GABRA3: variants seen among roughly 807,000 people sequenced by gnomAD.
GABRA3 encodes gamma-aminobutyric acid receptor subunit alpha-3.
GABRA3 carries 10 observed loss-of-function variants against 30.1 expected under a neutral mutation model. That is an observed-to-expected ratio of 0.33 (90% CI 0.20 to 0.56). The LOEUF is 0.56. Ranked by LOEUF, GABRA3 falls within the 20% of genes least tolerant of loss-of-function variation. The probability of loss-of-function intolerance (pLI) is 0.89; values close to 1 mark genes in which losing one functional copy is unlikely to be tolerated. For synonymous variants in GABRA3, 151 were observed against 146.8 expected (o/e 1.03, Z -0.21); for missense variants, 233 against 392.0 (o/e 0.59, Z 3.42).
intron 1 of GABRA3, among the ~76,000 whole-genome samples, chrX:152,432,571 A>T (rs1427661707): frequency 4.5e-5 from 5 of 111,526 alleles, no homozygotes; most frequent in Non-Finnish European, 9.4e-5. Flanking sequence ...AAACAAAACT[A>T]AATGGATTAG....
chrX:152,375,996 C>T (rs941938581), intron 1 of GABRA3, among the ~76,000 whole-genome samples: 2 of 111,899 alleles, frequency 1.8e-5, no homozygotes, highest in African/African-American at 6.5e-5. Flanking sequence ...TGAGCCTTCC[C>T]GCCCAAAAGG....
At chrX:152,345,492 A>T in intron 3 of GABRA3, 89 bp downstream of exon 3, 1 of 989,862 alleles carries the variant, frequency 1.0e-6, no homozygotes, top group Non-Finnish European at 1.4e-6. Context: ...TGGCCAATAG[A>T]CTACTGAAGG....
At chrX:152,231,230 TACACAC>T (rs1938067530) in intron 5 of GABRA3, among the ~76,000 whole-genome samples, 1 of 107,903 alleles carries the variant, frequency 9.3e-6, no homozygotes, top group Non-Finnish European at 1.9e-5. Flanking sequence ...CACGTATATA[TACACAC>T]ATATGTATAC....
At chrX:152,272,472 G>T (rs1938962533) in intron 4 of GABRA3, among the ~76,000 whole-genome samples, 1 of 112,636 alleles carries the variant, frequency 8.9e-6, no homozygotes. Flanking sequence ...TATCTAGAAA[G>T]TAACTAACTT....
chrX:152,275,034 A>G (rs76298115), intron 4 of GABRA3, among the ~76,000 whole-genome samples: 10,077 of 95,627 alleles, frequency 0.11, 458 homozygotes, highest in South Asian at 0.12. Context: ...TTACATATAT[A>G]TTTATTTATA....
In GABRA3 at chrX:152,204,879, T is replaced by C. The variant is rs188364407; in HGVS notation, c.778+3122A>G. On this transcript the variant is annotated intron_variant, in intron 7 of 9. Coordinates refer to ENST00000370314, the MANE Select transcript of GABRA3 (RefSeq NM_000808.4). Reference sequence around the variant, plus strand: ...AGAGCTACACTCCCTCTGAAAATTGTAGGGAAATCCTTCCTTGCCTCTTCT... The same window carrying C: ...AGAGCTACACTCCCTCTGAAAATTGCAGGGAAATCCTTCCTTGCCTCTTCT... 8.9e-5 allele frequency among the ~76,000 whole-genome samples: 10 copies of C among 111,830 alleles called. No homozygotes were observed. The East Asian group carries it at 2.6e-3, about 29-fold the overall frequency.
intron 1 of GABRA3, among the ~76,000 whole-genome samples, chrX:152,408,610 A>G (rs756572151): frequency 9.0e-6 from 1 of 111,656 alleles, no homozygotes; most frequent in Non-Finnish European, 1.9e-5. Flanking sequence ...TAGAAGAATC[A>G]ATACTGTTAA....
chrX:152,353,112 C>T (rs999874757), intron 2 of GABRA3, among the ~76,000 whole-genome samples: 1 of 110,340 alleles, frequency 9.1e-6, no homozygotes, highest in Non-Finnish European at 1.9e-5. Context: ...CTAGAATACG[C>T]CAAATCCATC....
At chrX:152,177,015 A>G (rs1473585684) in intron 9 of GABRA3, among the ~76,000 whole-genome samples, 1 of 112,185 alleles carries the variant, frequency 8.9e-6, no homozygotes, top group Non-Finnish European at 1.9e-5. Context: ...GGAAATCCTG[A>G]TGTATGAGAA....
chrX:152,445,997 C>T (rs1931077190), intron 1 of GABRA3, among the ~76,000 whole-genome samples: 2 of 112,162 alleles, frequency 1.8e-5, no homozygotes, highest in South Asian at 7.4e-4. Flanking sequence ...TTCAGTTAAG[C>T]TACATGACAT....
At chrX:152,448,278 AT>A (rs975490214) in intron 1 of GABRA3, among the ~76,000 whole-genome samples, 1 of 112,323 alleles carries the variant, frequency 8.9e-6, no homozygotes, top group African/African-American at 3.2e-5. Flanking sequence ...CTGAATCACA[AT>A]TCGCATTTTA....
At chrX:152,298,316 C>T (rs933610240) in intron 3 of GABRA3, among the ~76,000 whole-genome samples, 8 of 110,285 alleles carry the variant, frequency 7.3e-5, no homozygotes, top group African/African-American at 1.3e-4. Flanking sequence ...TGTTGGTGTG[C>T]GGCACCCATT....
chrX:152,213,673 GA>G (rs1937664214), intron 6 of GABRA3, among the ~76,000 whole-genome samples: 1 of 111,945 alleles, frequency 8.9e-6, no homozygotes, highest in Non-Finnish European at 1.9e-5. Context: ...ATGTAATGGG[GA>G]AAGGGATATG....
intron 3 of GABRA3, among the ~76,000 whole-genome samples, chrX:152,332,546 A>C (rs745670661): frequency 8.9e-6 from 1 of 112,106 alleles, no homozygotes; most frequent in African/African-American, 3.2e-5. Context: ...TACATAATTT[A>C]TTTTCTTAAT....
At chrX:152,327,677 G>T (rs1007302932) in intron 3 of GABRA3, among the ~76,000 whole-genome samples, 1 of 111,775 alleles carries the variant, frequency 8.9e-6, no homozygotes, top group Non-Finnish European at 1.9e-5. Context: ...CAACATACCA[G>T]AATCTCTGGG....
chrX:152,221,197 C>G (rs771508432), intron 6 of GABRA3, among the ~76,000 whole-genome samples: 1 of 111,539 alleles, frequency 9.0e-6, no homozygotes, highest in African/African-American at 3.3e-5. Context: ...TGGAGATACT[C>G]TCTTATGCTT....
At chrX:152,198,274 G>T in intron 7 of GABRA3, among the ~76,000 whole-genome samples, 1 of 111,841 alleles carries the variant, frequency 8.9e-6, no homozygotes, top group South Asian at 3.7e-4. Context: ...AGCCCAGGTA[G>T]GTTGTCCACA....
At chrX:152,330,941 G>GT (rs1411953667) in intron 3 of GABRA3, among the ~76,000 whole-genome samples, 1 of 111,281 alleles carries the variant, frequency 9.0e-6, no homozygotes, top group Non-Finnish European at 1.9e-5. Flanking sequence ...ATTTGCCTTT[G>GT]TTAAGCTACC....
At chrX:152,223,006 A>G (rs944666356) in intron 6 of GABRA3, among the ~76,000 whole-genome samples, 6 of 111,160 alleles carry the variant, frequency 5.4e-5, no homozygotes, top group Admixed American at 9.6e-5. Context: ...TTAATTTGAG[A>G]TGTTTCAGAT....
Sources: allele counts gnomAD v4.1 joint callset (sites outside exome capture counted in the v4.1 genomes callset), GRCh38; gene constraint gnomAD v4.1.1; transcripts MANE v1.5; gene names NCBI Gene and HGNC (gene_info 2026-07-23, HGNC 2026-07-21).